Variants in ULK4 observed in about 807,000 individuals in gnomAD.
ULK4 encodes the protein inactive serine/threonine-protein kinase ULK4.
A neutral mutation model predicts 160.6 loss-of-function variants in ULK4; 133 were observed. That is an observed-to-expected ratio of 0.83 (90% CI 0.72 to 0.96). ULK4 has a LOEUF of 0.96. Among genes scored for constraint, ULK4 ranks in the 40% least tolerant of loss-of-function variants. The pLI is 0.00. For synonymous variants in ULK4, 534 were observed against 539.8 expected, an observed-to-expected ratio of 0.99 and a Z score of 0.15; for missense variants, 1,580 against 1,499.5, an observed-to-expected ratio of 1.05 and a Z score of -0.89.
chr3:41,580,311 A>G (rs1345814231), intron 31 of ULK4, among the ~76,000 whole-genome samples: 2 of 152,112 alleles, frequency 1.3e-5, no homozygotes, highest in African/African-American at 4.8e-5. Flanking sequence ...TTATTAGCCA[A>G]TCTTATTAGA....
chr3:41,558,964 G>T (rs2087431998), intron 32 of ULK4, among the ~76,000 whole-genome samples: 1 of 135,402 alleles, frequency 7.4e-6, no homozygotes, highest in Non-Finnish European at 1.7e-5. Flanking sequence ...CCATGCTGGT[G>T]TGCTGCACCC....
At chr3:41,827,996 T>C (rs992673637) in intron 18 of ULK4, among the ~76,000 whole-genome samples, 10 of 151,992 alleles carry the variant, frequency 6.6e-5, no homozygotes, top group East Asian at 1.9e-4. Context: ...TGGTTCAACA[T>C]ACACAACTCA....
intron 33 of ULK4, among the ~76,000 whole-genome samples, chr3:41,458,261 G>A (rs1456804262): frequency 6.6e-6 from 1 of 152,174 alleles, no homozygotes; most frequent in Non-Finnish European, 1.5e-5. Context: ...ACATTCCTTT[G>A]GAACTTGTCA....
In ULK4 at chr3:41,647,310, C is replaced by T. The variant is rs1330814009; in HGVS notation, c.3071+16297G>A. Among the ~76,000 whole-genome samples the T allele has an allele frequency of 2.0e-5, 3 of 152,126 alleles. No individual in the cohort carries two copies. The East Asian group carries it at 5.8e-4, about 29-fold the overall frequency. Reference sequence around the variant, plus strand: ...CCAGTTTTTCTGCTCTGTTTTTTCCCCATCTTTGTGGTTTTATCTACTTTT... The same window carrying T: ...CCAGTTTTTCTGCTCTGTTTTTTCCTCATCTTTGTGGTTTTATCTACTTTT... On this transcript the variant is annotated intron_variant, in intron 30 of 36. Coordinates refer to ENST00000301831, the MANE Select transcript of ULK4 (RefSeq NM_017886.4).
At chr3:41,395,664 A>G (rs185361528) in intron 35 of ULK4, among the ~76,000 whole-genome samples, 12 of 152,280 alleles carry the variant, frequency 7.9e-5, no homozygotes, top group Non-Finnish European at 1.5e-4. Context: ...ACAGAGTTTC[A>G]GTTTGGGAAG....
intron 34 of ULK4, among the ~76,000 whole-genome samples, chr3:41,430,303 T>C (rs1012264697): frequency 1.3e-5 from 2 of 152,222 alleles, no homozygotes; most frequent in Admixed American, 6.5e-5. Flanking sequence ...GCATTTAGCA[T>C]AAGTTCCATA....
chr3:41,815,340 C>A (rs770812643), intron 19 of ULK4, among the ~76,000 whole-genome samples: 1 of 152,032 alleles, frequency 6.6e-6, no homozygotes, highest in Non-Finnish European at 1.5e-5. Context: ...TTCTTCGTGT[C>A]TTTTTTGTTT....
At chr3:41,667,282 C>T (rs1053681010) in intron 29 of ULK4, among the ~76,000 whole-genome samples, 3 of 152,136 alleles carry the variant, frequency 2.0e-5, no homozygotes, top group African/African-American at 2.4e-5. Flanking sequence ...AAAGCTTATA[C>T]TAGCTTGTGC....
At chr3:41,448,794 G>C (rs1380571501) in intron 34 of ULK4, among the ~76,000 whole-genome samples, 1 of 152,186 alleles carries the variant, frequency 6.6e-6, no homozygotes, top group East Asian at 1.9e-4. Context: ...GAAAAGACAA[G>C]AATGATGTCC....
At chr3:41,887,139 C>G (rs1449771116) in intron 16 of ULK4, among the ~76,000 whole-genome samples, 1 of 152,202 alleles carries the variant, frequency 6.6e-6, no homozygotes, top group Non-Finnish European at 1.5e-5. Context: ...AATTCAAAGT[C>G]TTGGACCTGG....
rs1467619864 is a variant in ULK4 at position 41,673,125 on chromosome 3, C to G, written c.2978+8383G>C. 2.0e-5 allele frequency among the ~76,000 whole-genome samples: 3 copies of G among 151,870 alleles called. No individual in the cohort carries two copies. The South Asian group carries it at 6.3e-4, about 32-fold the overall frequency. On this transcript the variant is annotated intron_variant, in intron 29 of 36. Coordinates refer to ENST00000301831, the MANE Select transcript of ULK4 (RefSeq NM_017886.4). ...AAAGTGCTGGGATTACATGTGTGAG[C>G]CAACATACCCAGCCAAAACTTTTTT...
intron 34 of ULK4, among the ~76,000 whole-genome samples, chr3:41,424,775 A>C (rs760892586): frequency 1.2e-4 from 18 of 150,442 alleles, no homozygotes; most frequent in Non-Finnish European, 2.7e-4. Flanking sequence ...ACCACATCCA[A>C]AGGCGAGCAG....
At chr3:41,270,884 G>A (rs577109255) in intron 35 of ULK4, among the ~76,000 whole-genome samples, 1 of 152,198 alleles carries the variant, frequency 6.6e-6, no homozygotes, top group South Asian at 2.1e-4. Context: ...AATTATTACA[G>A]TAACTTTTTT....
At chr3:41,493,381 G>A (rs11715233) in intron 32 of ULK4, among the ~76,000 whole-genome samples, 64,946 of 137,356 alleles carry the variant, frequency 0.47, 15,778 homozygotes, top group Admixed American at 0.56. Flanking sequence ...TGAAACCAAC[G>A]AGAACAAAGA....
intron 17 of ULK4, among the ~76,000 whole-genome samples, chr3:41,843,835 T>C (rs896079136): frequency 3.3e-5 from 5 of 151,912 alleles, no homozygotes; most frequent in Non-Finnish European, 7.4e-5. Flanking sequence ...TAGAGCCGAG[T>C]GGTCTGTTTT....
intron 35 of ULK4, chr3:41,250,852 T>C (rs2125667657): frequency 6.6e-6 from 1 of 152,330 alleles, no homozygotes; most frequent in African/African-American, 2.4e-5. Flanking sequence ...CCCAACTTGA[T>C]GTGTTCAAAA....
chr3:41,777,922 C>T (rs1479257468), intron 21 of ULK4, among the ~76,000 whole-genome samples: 2 of 141,296 alleles, frequency 1.4e-5, no homozygotes, highest in African/African-American at 5.4e-5. Context: ...AAAACTGGCA[C>T]AAGACAGGGA....
chr3:41,861,006 A>C (rs1425656800), intron 17 of ULK4, among the ~76,000 whole-genome samples: 2 of 152,216 alleles, frequency 1.3e-5, no homozygotes, highest in Admixed American at 6.5e-5. Flanking sequence ...ATAAACCAAC[A>C]AACAAGGAAA....
intron 31 of ULK4, among the ~76,000 whole-genome samples, chr3:41,594,400 C>T (rs1356752735): frequency 6.6e-6 from 1 of 151,882 alleles, no homozygotes; most frequent in Non-Finnish European, 1.5e-5. Flanking sequence ...ATTAGCTGGG[C>T]ATGGTGGCAC....
Sources: allele counts gnomAD v4.1 joint callset (sites outside exome capture counted in the v4.1 genomes callset), GRCh38; gene constraint gnomAD v4.1.1; transcripts MANE v1.5; gene names NCBI Gene and HGNC (gene_info 2026-07-23, HGNC 2026-07-21).